Variants in EPS15 observed in about 807,000 individuals in gnomAD.
The protein encoded by EPS15 is epidermal growth factor receptor substrate 15.
In EPS15, 72 loss-of-function variants were observed where a neutral mutation model predicts 113.8. The observed-to-expected ratio is 0.63, with a 90% CI of 0.52 to 0.77. The LOEUF (loss-of-function observed/expected upper bound fraction) is 0.77, where lower values mean the gene tolerates loss of function less well. EPS15 is among the 30% of genes least tolerant of loss of function. The pLI is 0.00. For missense variants in EPS15, 1,048 were observed against 1,045.8 expected (o/e 1.00, Z -0.03); for synonymous variants, 344 against 363.4 (o/e 0.95, Z 0.61).
intron 21 of EPS15, among the ~76,000 whole-genome samples, chr1:51,377,933 T>A (rs1646841983): frequency 6.6e-6 from 1 of 151,610 alleles, no homozygotes; most frequent in South Asian, 2.1e-4. Context: ...TTCACTCTTG[T>A]TGCCCAGGCT....
In EPS15 at chr1:51,463,747, T is replaced by C; in HGVS notation, c.427A>G (p.Asn143Asp). The change falls in exon 7 of 25, where the codon AAT becomes GAT. Residue 143 changes from asparagine (N) to aspartate (D), a missense_variant. Coordinates refer to ENST00000371733, the MANE Select transcript of EPS15 (RefSeq NM_001981.3). The stretch of plus-strand genomic sequence containing the variant: ...ACTTTATCACCAGACAGAAATCCAT[T>C]CACTGGGCTTAAACTATCAAATATT... ...DAIFDSLSPV[N>D]GFLSGDKVKP... 1 of 1,604,350 alleles carries C rather than the reference T, an allele frequency of 6.2e-7. No individual in the cohort carries two copies.
At chr1:51,426,837 C>CTTTCTCTATA (rs377211027) in intron 12 of EPS15, among the ~76,000 whole-genome samples, 2 of 143,568 alleles carry the variant, frequency 1.4e-5, no homozygotes, top group African/African-American at 2.6e-5. Context: ...CTCTCTCTCT[C>CTTTCTCTATA]TATATATATA....
intron 21 of EPS15, among the ~76,000 whole-genome samples, chr1:51,374,788 A>C (rs955334110): frequency 1.3e-5 from 2 of 151,796 alleles, no homozygotes; most frequent in African/African-American, 4.8e-5. Flanking sequence ...CAGGCGAGCA[A>C]CATCTCTCAG....
At position 51,471,704 on chromosome 1, in the gene EPS15, T is replaced by C; in HGVS notation, c.199A>G (p.Ile67Val). The change falls in exon 4 of 25, where the codon ATC (isoleucine) becomes GTC (valine). Residue 67 changes from isoleucine (I) to valine (V), a missense_variant. Ile to Val is a conservative substitution (Grantham distance 29). Transcript: ENST00000371733. The stretch of plus-strand genomic sequence containing the variant: ...CTGAAACTTACTTGTTTGTTCAGGA[T>C]ACCTTTGCCATCTGTGTCGGCTAAA... ...WDLADTDGKG[I>V]LNKQEFFVAL... is the part of the protein sequence containing the mutation. 6.2e-7 allele frequency: 1 copy of C among 1,610,960 alleles called. No individual in the cohort carries two copies. The highest frequency in any genetic ancestry group is 2.2e-5 in the East Asian group (1 of 44,830).
intron 12 of EPS15, among the ~76,000 whole-genome samples, chr1:51,422,311 G>C (rs1214881022): frequency 6.6e-6 from 1 of 152,162 alleles, no homozygotes; most frequent in Non-Finnish European, 1.5e-5. Flanking sequence ...TTACTGAAGT[G>C]TTAATTTCCC....
intron 24 of EPS15, among the ~76,000 whole-genome samples, chr1:51,357,376 G>C (rs1213722424): frequency 3.0e-5 from 1 of 33,132 alleles, no homozygotes; most frequent in East Asian, 1.2e-3. Flanking sequence ...GATTCCATCT[G>C]AAAAAAAAAA....
Position 51,363,858 on chromosome 1 carries a change from T to G in EPS15, c.2359+8A>C, listed in dbSNP as rs1646444363. ...CAGTTGACTGAAGAAAAGTACCAAC[T>G]CTCATACCAGGTGGTAGAGGGCAGG... On this transcript the variant is annotated splice_region_variant and intron_variant, in intron 23 of 24. Coordinates refer to ENST00000371733, the MANE Select transcript of EPS15 (RefSeq NM_001981.3). 1.2e-6 allele frequency: 2 copies of G among 1,606,914 alleles called. No individual in the cohort carries two copies. The highest frequency in any genetic ancestry group is 2.7e-5 in the African/African-American group (2 of 74,534).
chr1:51,452,051 T>C (rs1304807851), intron 8 of EPS15, among the ~76,000 whole-genome samples: 1 of 151,446 alleles, frequency 6.6e-6, no homozygotes, highest in Non-Finnish European at 1.5e-5. Flanking sequence ...CCAGCTAATT[T>C]TTTTTTTTTT....
intron 12 of EPS15, among the ~76,000 whole-genome samples, chr1:51,427,298 C>A (rs1385817792): frequency 6.6e-6 from 1 of 152,102 alleles, no homozygotes; most frequent in Non-Finnish European, 1.5e-5. Flanking sequence ...ACCTAATATA[C>A]CACTATACAA....
intron 12 of EPS15, among the ~76,000 whole-genome samples, chr1:51,425,089 C>T (rs1263588100): frequency 6.6e-6 from 1 of 152,106 alleles, no homozygotes; most frequent in Non-Finnish European, 1.5e-5. Flanking sequence ...AAGATGCTTA[C>T]ACATCCTGAG....
At chr1:51,393,208 T>C (rs1477245820) in intron 21 of EPS15, among the ~76,000 whole-genome samples, 2 of 152,040 alleles carry the variant, frequency 1.3e-5, no homozygotes, top group Non-Finnish European at 2.9e-5. Context: ...AAACCCAACC[T>C]GTTTTTTAGA....
In EPS15 at chr1:51,426,161, C is replaced by T. The variant is rs140780802; in HGVS notation, c.1041-4303G>A. On this transcript the variant is annotated intron_variant, in intron 12 of 24. Coordinates refer to ENST00000371733, the MANE Select transcript of EPS15 (RefSeq NM_001981.3). ...GGTGATGTAAGCTATTTGTTCTGAC[C>T]GACTCTCTCTCCTTCTAGGGTTCAG... Among the ~76,000 whole-genome samples, 974 of 151,770 alleles carry T rather than the reference C, an allele frequency of 6.4e-3. 9 individuals are homozygous for T. Among genetic ancestry groups the T allele is most frequent in the South Asian group, 0.03 (141 of 4,776 alleles).
intron 8 of EPS15, among the ~76,000 whole-genome samples, chr1:51,448,815 AAAT>A (rs752117280): frequency 5.1e-4 from 77 of 152,294 alleles, no homozygotes; most frequent in Middle Eastern, 6.8e-3. Flanking sequence ...ATAAATAAAT[AAAT>A]AAAAGCTCTC....
intron 13 of EPS15, 58 bp downstream of exon 13, chr1:51,421,728 A>T: frequency 9.5e-7 from 1 of 1,056,572 alleles, no homozygotes; most frequent in South Asian, 2.3e-5. Flanking sequence ...TAACCATATA[A>T]ATTTAAAATG....
chr1:51,517,688 A>C (rs1465456613), intron 1 of EPS15, among the ~76,000 whole-genome samples: 1 of 152,170 alleles, frequency 6.6e-6, no homozygotes, highest in Middle Eastern at 3.2e-3. Flanking sequence ...GACCCTTCCA[A>C]ACATACATAA....
chr1:51,492,889 C>T (rs945303708), intron 1 of EPS15, among the ~76,000 whole-genome samples: 5 of 152,198 alleles, frequency 3.3e-5, no homozygotes, highest in African/African-American at 9.6e-5. Context: ...TCTTTGCTCA[C>T]CAGCAGCTTG....
intron 8 of EPS15, chr1:51,460,822 C>T: frequency 3.1e-6 from 1 of 322,226 alleles, no homozygotes; most frequent in Non-Finnish European, 5.7e-6. Context: ...GGCGTGGTGG[C>T]ATGTGCCTGC....
intron 2 of EPS15, among the ~76,000 whole-genome samples, chr1:51,478,289 T>G (rs956904567): frequency 1.3e-5 from 2 of 152,258 alleles, no homozygotes; most frequent in African/African-American, 2.4e-5. Context: ...CTGCTTTTTT[T>G]TTGTTTTCCA....
chr1:51,410,655 G>A (rs762441652), intron 13 of EPS15, among the ~76,000 whole-genome samples: 1 of 152,188 alleles, frequency 6.6e-6, no homozygotes, highest in Non-Finnish European at 1.5e-5. Context: ...TCAGCAGGAG[G>A]TAGGCAAAGA....
Sources: gnomAD v4.1 joint callset for allele counts (sites outside exome capture counted in the v4.1 genomes callset) on GRCh38, gnomAD v4.1.1 for gene constraint, MANE v1.5 for transcripts, NCBI Gene and HGNC (gene_info 2026-07-23, HGNC 2026-07-21) for gene names.